Variants in CHN2 observed in about 807,000 individuals in gnomAD.
CHN2 encodes the protein beta-chimaerin.
CHN2 carries 35 observed loss-of-function variants against 56.3 expected under a neutral mutation model. That is an observed-to-expected ratio of 0.62 (90% confidence interval 0.47 to 0.82). The LOEUF (loss-of-function observed/expected upper bound fraction) is 0.82. CHN2 is among the 40% of genes least tolerant of loss of function. CHN2 has a pLI of 0.00. For missense variants in CHN2, 491 were observed against 580.5 expected, an observed-to-expected ratio of 0.85 and a Z score of 1.58; for synonymous variants, 210 against 212.8, an observed-to-expected ratio of 0.99 and a Z score of 0.12.
At chr7:29,215,890 C>T (rs982417700) in intron 1 of CHN2, among the ~76,000 whole-genome samples, 1 of 151,984 alleles carries the variant, frequency 6.6e-6, no homozygotes, top group African/African-American at 2.4e-5. Flanking sequence ...TGAATATGAA[C>T]GCGTTCTTTT....
rs376147267 is a variant in CHN2, at chr7:29,446,409, G to A, written c.577-33870G>A. 9.2e-5 allele frequency among the ~76,000 whole-genome samples: 14 copies of A among 152,280 alleles called. No homozygotes were observed. The East Asian group carries it at 1.5e-3, about 17-fold the overall frequency. ...TACTATATGCCTTAGATCCCTATGTGTATCTATATCTCAAAAGTGTTTCAG... is the reference window on the plus strand; with the variant it reads ...TACTATATGCCTTAGATCCCTATGTATATCTATATCTCAAAAGTGTTTCAG... On this transcript the variant is annotated intron_variant, in intron 6 of 12. Coordinates refer to ENST00000222792, the MANE Select transcript of CHN2 (RefSeq NM_004067.4).
intron 1 of CHN2, among the ~76,000 whole-genome samples, chr7:29,235,232 C>G (rs781323445): frequency 6.6e-6 from 1 of 152,068 alleles, no homozygotes; most frequent in Non-Finnish European, 1.5e-5. Flanking sequence ...AGGACATGAG[C>G]AGACACTTCT....
chr7:29,415,128 C>T (rs1049646318), intron 6 of CHN2, among the ~76,000 whole-genome samples: 1 of 152,238 alleles, frequency 6.6e-6, no homozygotes, highest in Non-Finnish European at 1.5e-5. Flanking sequence ...ATTGCACTTA[C>T]AACGACTAGC....
intron 1 of CHN2, chr7:29,199,651 C>T (rs1021139817): frequency 6.6e-6 from 1 of 152,190 alleles, no homozygotes; most frequent in Non-Finnish European, 1.5e-5. Context: ...CCTGAGCATT[C>T]CATACCTCAT....
chr7:29,261,281 G>T (rs561948130), intron 1 of CHN2, among the ~76,000 whole-genome samples: 73 of 152,312 alleles, frequency 4.8e-4, no homozygotes, highest in Non-Finnish European at 5.6e-4. Context: ...GAGGGGGTTG[G>T]TGTTTGCACT....
intron 7 of CHN2, among the ~76,000 whole-genome samples, chr7:29,482,763 AAT>A (rs1267691736): frequency 6.8e-6 from 1 of 147,198 alleles, no homozygotes; most frequent in Non-Finnish European, 1.5e-5. Flanking sequence ...CTCATCAGAT[AAT>A]AGGCTTTGCT....
intron 1 of CHN2, among the ~76,000 whole-genome samples, chr7:29,196,756 G>C (rs1479283303): frequency 6.6e-6 from 1 of 152,208 alleles, no homozygotes; most frequent in Non-Finnish European, 1.5e-5. Flanking sequence ...TCCTAAGTCA[G>C]CCTTCGGAAG....
chr7:29,476,804 C>T (rs1318466489), intron 6 of CHN2, among the ~76,000 whole-genome samples: 1 of 152,044 alleles, frequency 6.6e-6, no homozygotes, highest in African/African-American at 2.4e-5. Flanking sequence ...CATCCTGCAA[C>T]GTACAGGACA....
At chr7:29,437,987 G>A (rs1010372539) in intron 6 of CHN2, among the ~76,000 whole-genome samples, 1 of 152,072 alleles carries the variant, frequency 6.6e-6, no homozygotes, top group Non-Finnish European at 1.5e-5. Context: ...ATACTTTAAC[G>A]AAGCTGTCCC....
intron 2 of CHN2, among the ~76,000 whole-genome samples, chr7:29,158,157 T>C (rs1466214142): frequency 2.6e-5 from 4 of 152,210 alleles, no homozygotes; most frequent in Non-Finnish European, 5.9e-5. Flanking sequence ...GTAGGAAGGT[T>C]TCCTTAGAGT....
At chr7:29,296,947 CAGGTCCAGG>C in intron 1 of CHN2, among the ~76,000 whole-genome samples, 1 of 152,280 alleles carries the variant, frequency 6.6e-6, no homozygotes, top group East Asian at 1.9e-4. Flanking sequence ...GGGAGCTGGG[CAGGTCCAGG>C]AGGATGCTCT....
intron 1 of CHN2, among the ~76,000 whole-genome samples, chr7:29,279,971 C>G (rs754483918): frequency 6.6e-6 from 1 of 152,006 alleles, no homozygotes; most frequent in South Asian, 2.1e-4. Context: ...AATCAAGAGG[C>G]CCCTAGGTGA....
At position 29,437,340 on chromosome 7, in the gene CHN2, TG is replaced by T. The variant is rs1783303181; in HGVS notation, c.576+36513del. 4.7e-5 allele frequency among the ~76,000 whole-genome samples: 4 copies of T among 84,720 alleles called. 1 individual carries two copies. Among genetic ancestry groups the T allele is most frequent in the African/African-American group, 2.2e-4 (3 of 13,580 alleles). The allele number at this position is 84,720 out of a possible 152,430, so 55.6% of individuals were successfully genotyped here. ...CCGGCTGGGCGCGGTGGCTCACGCC[TG>T]TAATCCCAGCACTTTGGGAGGCCGA... On this transcript the variant is annotated intron_variant, in intron 6 of 12. Coordinates refer to ENST00000222792, the MANE Select transcript of CHN2 (RefSeq NM_004067.4).
intron 3 of CHN2, among the ~76,000 whole-genome samples, chr7:29,374,666 C>T (rs1056271733): frequency 6.6e-6 from 1 of 151,976 alleles, no homozygotes; most frequent in African/African-American, 2.4e-5. Context: ...CACCAGAGAA[C>T]AGTACATATG....
chr7:29,355,222 C>T (rs1327647427), intron 2 of CHN2, among the ~76,000 whole-genome samples: 4 of 152,076 alleles, frequency 2.6e-5, no homozygotes, highest in Admixed American at 6.5e-5. Context: ...CCGCCTGCCT[C>T]GGCCTCCCAA....
chr7:29,277,957 G>T (rs756652498), intron 1 of CHN2, among the ~76,000 whole-genome samples: 9 of 152,138 alleles, frequency 5.9e-5, no homozygotes, highest in Non-Finnish European at 1.0e-4. Context: ...CATTTTACAG[G>T]CGGAGAAACT....
chr7:29,415,548 A>G (rs1803653531), intron 6 of CHN2, among the ~76,000 whole-genome samples: 4 of 152,228 alleles, frequency 2.6e-5, no homozygotes, highest in Admixed American at 2.6e-4. Context: ...AGGCCCTTCT[A>G]AGGAAGGGAG....
chr7:29,256,817 C>A (rs1432020295), intron 1 of CHN2, among the ~76,000 whole-genome samples: 1 of 152,058 alleles, frequency 6.6e-6, no homozygotes, highest in Non-Finnish European at 1.5e-5. Flanking sequence ...ACCGATCGCC[C>A]CCCCACCACG....
At chr7:29,493,397 T>A (rs1166433110) in intron 7 of CHN2, among the ~76,000 whole-genome samples, 1 of 152,198 alleles carries the variant, frequency 6.6e-6, no homozygotes, top group African/African-American at 2.4e-5. Context: ...GACCATACTT[T>A]TTGTTCATTC....
Sources: gnomAD v4.1 joint callset for allele counts (sites outside exome capture counted in the v4.1 genomes callset) on GRCh38, gnomAD v4.1.1 for gene constraint, MANE v1.5 for transcripts, NCBI Gene and HGNC (gene_info 2026-07-23, HGNC 2026-07-21) for gene names.